The following ADGRF5 variants were observed in gnomAD, a reference collection of about 807,000 sequenced individuals.
ADGRF5 encodes G-protein coupled receptor 116.
ADGRF5 carries 75 observed loss-of-function variants against 132.3 expected under a neutral mutation model. That is an observed-to-expected ratio of 0.57 (90% confidence interval 0.47 to 0.69). The LOEUF is 0.69. Ranked by LOEUF, ADGRF5 falls within the 30% of genes least tolerant of loss-of-function variation. ADGRF5 has a pLI of 0.00. For missense variants in ADGRF5, 1,516 were observed against 1,630.6 expected, an observed-to-expected ratio of 0.93 and a Z score of 1.21; for synonymous variants, 629 against 597.6, an observed-to-expected ratio of 1.05 and a Z score of -0.77.
chr6:46,937,425 G>C (rs1372549104), intron 1 of ADGRF5, among the ~76,000 whole-genome samples: 1 of 152,054 alleles, frequency 6.6e-6, no homozygotes, highest in East Asian at 1.9e-4. Context: ...GAGCAGTTCA[G>C]GTCAATTGTG....
At chr6:46,867,218 C>A in intron 12 of ADGRF5, 81 bp from the exon 13 acceptor site, 1 of 786,526 alleles carries the variant, frequency 1.3e-6, no homozygotes, top group South Asian at 1.6e-5. Flanking sequence ...TAAGAAGAGG[C>A]TTAATTTTCC....
chr6:46,882,797 G>A (rs569849099), intron 6 of ADGRF5, among the ~76,000 whole-genome samples: 15 of 152,286 alleles, frequency 9.8e-5, no homozygotes, highest in East Asian at 3.9e-4. Context: ...CTTCTGAAGC[G>A]GCACTTCATC....
At chr6:46,919,811 A>G (rs1489692692) in intron 1 of ADGRF5, among the ~76,000 whole-genome samples, 1 of 152,192 alleles carries the variant, frequency 6.6e-6, no homozygotes, top group Non-Finnish European at 1.5e-5. Context: ...AAGAACAAGA[A>G]AATATGAAAT....
At position 46,858,180 on chromosome 6, in the gene ADGRF5, T is replaced by C. The variant is rs202208960; in HGVS notation, c.3723A>G (p.Pro1241=). The C allele has an allele frequency of 2.9e-5, 47 of 1,614,010 alleles. No individual in the cohort carries two copies. The highest frequency in any genetic ancestry group is 5.3e-5 in the African/African-American group (4 of 74,910). The change falls in exon 17 of 21, where the codon CCA becomes CCG. Residue 1241 remains proline (P), a synonymous_variant. Transcript: ENST00000283296. Reference sequence around the variant, plus strand: ...TGATATGGAACACAAGGTTGGTCCCTGGGAACACAGTGGTGAGACCAAAAC... The same window carrying C: ...TGATATGGAACACAAGGTTGGTCCCCGGGAACACAGTGGTGAGACCAAAAC... ...TWGFGLTTVF[P]GTNLVFHIIF...
chr6:46,920,526 T>TGGC (rs1554212965), intron 1 of ADGRF5, among the ~76,000 whole-genome samples: 31 of 102,170 alleles, frequency 3.0e-4, no homozygotes, highest in South Asian at 7.3e-4. Flanking sequence ...GAATAATATT[T>TGGC]GGGGGGGGGG....
chr6:46,873,630 C>G (rs2281442), intron 10 of ADGRF5, among the ~76,000 whole-genome samples: 16,285 of 152,126 alleles, frequency 0.11, 1,127 homozygotes, highest in African/African-American at 0.18. Context: ...GCAATCTCAT[C>G]TATACCTATG....
chr6:46,885,491 A>G (rs746948148), intron 4 of ADGRF5, among the ~76,000 whole-genome samples: 1 of 152,144 alleles, frequency 6.6e-6, no homozygotes, highest in Non-Finnish European at 1.5e-5. Flanking sequence ...TACATCCCGC[A>G]CTCGCAGAGA....
chr6:46,935,186 G>C (rs145463359), intron 1 of ADGRF5, among the ~76,000 whole-genome samples: 2,113 of 151,812 alleles, frequency 0.014, 41 homozygotes, highest in African/African-American at 0.048. Context: ...TGTATCTTTA[G>C]TAGAGACAGG....
intron 14 of ADGRF5, among the ~76,000 whole-genome samples, chr6:46,863,750 C>T (rs1427010165): frequency 1.3e-5 from 2 of 152,144 alleles, no homozygotes; most frequent in Non-Finnish European, 2.9e-5. Flanking sequence ...AGATCTTAAC[C>T]ACTGTATATA....
chr6:46,918,630 T>G (rs1004005056), intron 1 of ADGRF5, among the ~76,000 whole-genome samples: 1 of 152,198 alleles, frequency 6.6e-6, no homozygotes, highest in African/African-American at 2.4e-5. Flanking sequence ...CTTTGTAAAA[T>G]CTGCAAGTCT....
At chr6:46,863,276 C>T (rs1770006563) in intron 14 of ADGRF5, 180 bp from the exon 15 acceptor site, 2 of 688,892 alleles carry the variant, frequency 2.9e-6, no homozygotes, top group Non-Finnish European at 5.3e-6. Flanking sequence ...CCCCTCTCTG[C>T]TTTCCACATG....
intron 3 of ADGRF5, among the ~76,000 whole-genome samples, chr6:46,893,479 C>T (rs1280290550): frequency 6.6e-6 from 1 of 152,128 alleles, no homozygotes; most frequent in East Asian, 1.9e-4. Context: ...TCTCTCACCT[C>T]ATTCCCTCAG....
chr6:46,859,092 C>T lies in ADGRF5; in HGVS notation c.2811G>A (p.Arg937=), dbSNP rs757729911. ...TVSHNTTMPF[R]ISMTFKNNSP... is the part of the protein sequence containing the mutation. ...TATTGTTCTTAAAAGTCATTGAAAT[C>T]CTGAATGGCATAGTTGTATTGTGGC... Residue 937 remains arginine, a synonymous_variant, in exon 17 of 21, where the codon AGG becomes AGA. Coordinates refer to ENST00000283296, the MANE Select transcript of ADGRF5 (RefSeq NM_001098518.2). 1.9e-5 allele frequency: 31 copies of T among 1,613,888 alleles called. No homozygotes were observed. Among genetic ancestry groups the T allele is most frequent in the Non-Finnish European group, 2.4e-5 (28 of 1,179,872 alleles).
chr6:46,894,994 C>G (rs1774022469), intron 3 of ADGRF5, among the ~76,000 whole-genome samples: 1 of 152,086 alleles, frequency 6.6e-6, no homozygotes, highest in Non-Finnish European at 1.5e-5. Context: ...CTGGCCAACA[C>G]AGTGAAACCT....
rs116551248 is a variant in ADGRF5 at position 46,946,643 on chromosome 6, C to T, written c.-25+8091G>A. 9.7e-3 allele frequency among the ~76,000 whole-genome samples: 1,483 copies of T among 152,186 alleles called. 28 individuals carry two copies. The highest frequency in any genetic ancestry group is 0.032 in the African/African-American group (1,346 of 41,504). On this transcript the variant is annotated intron_variant, in intron 1 of 20. Transcript: ENST00000265417. ...GCTATGGGAATAAAGGGCAGGAGCA[C>T]GGGAGAGCTGAGCTCTGGAGGCAGG...
At chr6:46,868,226 G>A (rs1194041853) in intron 12 of ADGRF5, among the ~76,000 whole-genome samples, 1 of 152,218 alleles carries the variant, frequency 6.6e-6, no homozygotes, top group African/African-American at 2.4e-5. Flanking sequence ...CTTGCCAGAT[G>A]TATAACCTTG....
In ADGRF5 at chr6:46,947,201, T is replaced by TAGA. The variant is rs1259838781; in HGVS notation, c.-25+7530_-25+7532dup. 2.0e-5 allele frequency among the ~76,000 whole-genome samples: 3 copies of TAGA among 152,162 alleles called. No homozygotes were observed. In the East Asian group the frequency reaches 5.8e-4, roughly 29 times the overall value. On this transcript the variant is annotated intron_variant, in intron 1 of 20. Coordinates refer to the ADGRF5 transcript ENST00000265417. ...TTATACCCCAGCTTTAGCCAATAAGTAGACTCCAAAGGTGAAAAGCAACTA... is the reference window on the plus strand; with the variant it reads ...TTATACCCCAGCTTTAGCCAATAAGTAGAAGACTCCAAAGGTGAAAAGCAACTA...
At chr6:46,923,250 G>A (rs570155074), upstream of ADGRF5, among the ~76,000 whole-genome samples, 3 of 152,274 alleles carry the variant, frequency 2.0e-5, no homozygotes, top group Admixed American at 6.5e-5. Context: ...TATTGTGTGT[G>A]AAAGTGGGAT....
At chr6:46,941,585 C>G (rs1778092609) in intron 1 of ADGRF5, among the ~76,000 whole-genome samples, 1 of 151,916 alleles carries the variant, frequency 6.6e-6, no homozygotes, top group Non-Finnish European at 1.5e-5. Context: ...TTTTAACAAG[C>G]TGTCAAGCTG....
Sources: gnomAD v4.1 joint callset for allele counts (sites outside exome capture counted in the v4.1 genomes callset) on GRCh38, gnomAD v4.1.1 for gene constraint, MANE v1.5 for transcripts, NCBI Gene and HGNC (gene_info 2026-07-23, HGNC 2026-07-21) for gene names.